The following PGCKA1 variants were observed in gnomAD, a reference collection of about 807,000 sequenced individuals.
The protein encoded by PGCKA1 is PDCD10 and GCKIII kinases-associated protein 1.
the PGCKA1 span, among the ~76,000 whole-genome samples, chr4:37,525,706 C>T: frequency 6.6e-6 from 1 of 152,204 alleles, no homozygotes; most frequent in South Asian, 2.1e-4. Flanking sequence ...CAGCAGGATA[C>T]AGGACCAATC....
the PGCKA1 span, among the ~76,000 whole-genome samples, chr4:37,454,990 T>C: frequency 6.6e-6 from 1 of 152,226 alleles, no homozygotes; most frequent in Non-Finnish European, 1.5e-5. Flanking sequence ...GTTTATTTTC[T>C]TCCTGTCACT....
chr4:37,567,846 G>A, the PGCKA1 span, among the ~76,000 whole-genome samples: 291 of 152,236 alleles, frequency 1.9e-3, no homozygotes, highest in African/African-American at 6.6e-3. Context: ...AGGATAGCAG[G>A]CTAATTACTA....
At chr4:37,465,572 G>T in the PGCKA1 span, among the ~76,000 whole-genome samples, 1 of 152,102 alleles carries the variant, frequency 6.6e-6, no homozygotes, top group Non-Finnish European at 1.5e-5. Context: ...AAGAGAAGTA[G>T]ACAGTAGCTT....
chr4:37,568,378 C>T, the PGCKA1 span, among the ~76,000 whole-genome samples: 1 of 152,214 alleles, frequency 6.6e-6, no homozygotes, highest in South Asian at 2.1e-4. Flanking sequence ...ACTCTGCCCT[C>T]CTGCCTGGCA....
At chr4:37,528,905 A>C in the PGCKA1 span, among the ~76,000 whole-genome samples, 1 of 152,240 alleles carries the variant, frequency 6.6e-6, no homozygotes, top group Non-Finnish European at 1.5e-5. Flanking sequence ...CCAGAGAAAA[A>C]TTCCTGCTTT....
the PGCKA1 span, among the ~76,000 whole-genome samples, chr4:37,548,001 C>CAA: frequency 3.1e-4 from 36 of 115,728 alleles, no homozygotes; most frequent in East Asian, 7.2e-4. Flanking sequence ...TGGTTATCTT[C>CAA]AAAAAAAAAA....
chr4:37,481,632 TCTC>T, the PGCKA1 span, among the ~76,000 whole-genome samples: 1 of 152,274 alleles, frequency 6.6e-6, no homozygotes, highest in East Asian at 1.9e-4. Flanking sequence ...CATGTTCTAA[TCTC>T]CTCTTTTTAT....
the PGCKA1 span, chr4:37,590,315 G>A: frequency 1.2e-6 from 2 of 1,613,874 alleles, no homozygotes; most frequent in South Asian, 2.2e-5. Context: ...CTCCCACAGG[G>A]GGACGCTGGA....
the PGCKA1 span, among the ~76,000 whole-genome samples, chr4:37,566,895 T>C: frequency 6.6e-6 from 1 of 152,174 alleles, no homozygotes; most frequent in South Asian, 2.1e-4. Context: ...AGGCCTTTCT[T>C]GTACCAAGTC....
the PGCKA1 span, among the ~76,000 whole-genome samples, chr4:37,514,690 A>G: frequency 6.6e-6 from 1 of 152,348 alleles, no homozygotes; most frequent in East Asian, 1.9e-4. Flanking sequence ...TTGCTTGAAA[A>G]CGAAACAAAA....
chr4:37,575,634 G>A, the PGCKA1 span, among the ~76,000 whole-genome samples: 1 of 152,010 alleles, frequency 6.6e-6, no homozygotes, highest in East Asian at 1.9e-4. Flanking sequence ...TGTTGCTTTG[G>A]GTGCCTTTGT....
At chr4:37,568,774 G>A in the PGCKA1 span, among the ~76,000 whole-genome samples, 1 of 152,172 alleles carries the variant, frequency 6.6e-6, no homozygotes, top group Admixed American at 6.5e-5. Context: ...AGGAAATCAA[G>A]TCAATGAGTT....
the PGCKA1 span, among the ~76,000 whole-genome samples, chr4:37,453,612 C>CATAGGAA: frequency 6.6e-6 from 1 of 152,188 alleles, no homozygotes; most frequent in Admixed American, 6.5e-5. Flanking sequence ...GTCCCTTGAT[C>CATAGGAA]ATAGGAAGCT....
At chr4:37,521,928 CT>C in the PGCKA1 span, among the ~76,000 whole-genome samples, 1 of 152,190 alleles carries the variant, frequency 6.6e-6, no homozygotes, top group African/African-American at 2.4e-5. Flanking sequence ...ACCCCTTTAT[CT>C]TTATGTAGTG....
the PGCKA1 span, among the ~76,000 whole-genome samples, chr4:37,564,056 G>A: frequency 3.9e-5 from 6 of 152,092 alleles, no homozygotes; most frequent in South Asian, 4.2e-4. Flanking sequence ...GTGGATCACC[G>A]GAGATCAGGA....
the PGCKA1 span, among the ~76,000 whole-genome samples, chr4:37,574,187 C>CA: frequency 1.2e-3 from 157 of 136,284 alleles, no homozygotes; most frequent in Admixed American, 3.3e-3. Context: ...GACTCCATCT[C>CA]AAAAAAAAAA....
chr4:37,513,317 A>T, the PGCKA1 span, among the ~76,000 whole-genome samples: 1 of 152,224 alleles, frequency 6.6e-6, no homozygotes, highest in African/African-American at 2.4e-5. Context: ...GCCATCACAG[A>T]ATACCACAGA....
chr4:37,556,513 C>T, the PGCKA1 span, among the ~76,000 whole-genome samples: 1 of 152,200 alleles, frequency 6.6e-6, no homozygotes, highest in Non-Finnish European at 1.5e-5. Context: ...AGGTGATCCA[C>T]CTGTCTCAGC....
the PGCKA1 span, among the ~76,000 whole-genome samples, chr4:37,572,362 G>A: frequency 6.6e-6 from 1 of 152,062 alleles, no homozygotes; most frequent in Admixed American, 6.5e-5. Flanking sequence ...CAACGTGCCC[G>A]GCCACACCTT....
Sources: gnomAD v4.1 joint callset for allele counts (sites outside exome capture counted in the v4.1 genomes callset) on GRCh38, gnomAD v4.1.1 for gene constraint, MANE v1.5 for transcripts, NCBI Gene and HGNC (gene_info 2026-07-23, HGNC 2026-07-21) for gene names.